Variants in ZNF618 observed in about 807,000 individuals in gnomAD.
The protein encoded by ZNF618 is neural precursor cell expressed, developmentally down-regulated 10.
In ZNF618, 34 loss-of-function variants were observed where a neutral mutation model predicts 103.0. The observed-to-expected ratio is 0.33, with a 90% CI of 0.25 to 0.44. The LOEUF (loss-of-function observed/expected upper bound fraction) is 0.44, where lower values mean the gene tolerates loss of function less well. Ranked by LOEUF, ZNF618 falls within the 20% of genes least tolerant of loss-of-function variation. The probability of loss-of-function intolerance (pLI) is 1.00; values close to 1 mark genes in which losing one functional copy is unlikely to be tolerated. For synonymous variants in ZNF618, 551 were observed against 542.2 expected (o/e 1.02, Z -0.23); for missense variants, 1,059 against 1,295.4 (o/e 0.82, Z 2.80).
intron 6 of ZNF618, among the ~76,000 whole-genome samples, chr9:114,004,065 T>C (rs1374372471): frequency 1.3e-5 from 2 of 152,130 alleles, no homozygotes; most frequent in African/African-American, 4.8e-5. Context: ...ACATAATAAA[T>C]AAACATTACC....
At chr9:114,000,437 G>A (rs1841076835) in intron 4 of ZNF618, among the ~76,000 whole-genome samples, 1 of 152,176 alleles carries the variant, frequency 6.6e-6, no homozygotes. Flanking sequence ...TTTGAATGCG[G>A]CCCAACACAA....
chr9:114,033,284 G>T (rs560807767), intron 12 of ZNF618, among the ~76,000 whole-genome samples: 12 of 152,190 alleles, frequency 7.9e-5, no homozygotes, highest in Admixed American at 5.9e-4. Flanking sequence ...TACTCAGGAG[G>T]CTGAGGCAGG....
intron 2 of ZNF618, among the ~76,000 whole-genome samples, chr9:113,983,604 G>A (rs1839170065): frequency 6.6e-6 from 1 of 152,190 alleles, no homozygotes; most frequent in Non-Finnish European, 1.5e-5. Context: ...TTTGTTTGGG[G>A]TGGGAGATGT....
chr9:113,968,723 A>AT (rs968765498), intron 1 of ZNF618, among the ~76,000 whole-genome samples: 33 of 152,100 alleles, frequency 2.2e-4, no homozygotes, highest in African/African-American at 7.7e-4. Context: ...ACATAATAGG[A>AT]TTTTTTCCCT....
At chr9:113,890,430 A>C (rs1156965922) in intron 1 of ZNF618, among the ~76,000 whole-genome samples, 1 of 152,160 alleles carries the variant, frequency 6.6e-6, no homozygotes, top group Non-Finnish European at 1.5e-5. Context: ...TATATTTTTC[A>C]TCATCAGCAA....
At chr9:113,962,958 A>T (rs1048012562) in intron 1 of ZNF618, among the ~76,000 whole-genome samples, 1 of 152,252 alleles carries the variant, frequency 6.6e-6, no homozygotes, top group Non-Finnish European at 1.5e-5. Context: ...GATGTCTGGC[A>T]TGTAGAAGGA....
chr9:114,033,998 C>T (rs1285017062), intron 12 of ZNF618, among the ~76,000 whole-genome samples: 1 of 152,162 alleles, frequency 6.6e-6, no homozygotes, highest in Non-Finnish European at 1.5e-5. Flanking sequence ...CCCAGCTCCA[C>T]CACTTACTAG....
chr9:114,010,301 CAAAAA>C (rs3034090), intron 9 of ZNF618, among the ~76,000 whole-genome samples: 6 of 116,942 alleles, frequency 5.1e-5, no homozygotes, highest in Admixed American at 1.7e-4. Flanking sequence ...GACTCTGTCT[CAAAAA>C]AAAAAAAAAA....
chr9:113,933,569 A>G (rs1487576308), intron 1 of ZNF618, among the ~76,000 whole-genome samples: 1 of 152,106 alleles, frequency 6.6e-6, no homozygotes, highest in Non-Finnish European at 1.5e-5. Flanking sequence ...AGGTTTGAGG[A>G]GAGAGGCGAA....
chr9:113,939,575 A>C (rs1218017629), intron 1 of ZNF618, among the ~76,000 whole-genome samples: 1 of 152,128 alleles, frequency 6.6e-6, no homozygotes, highest in Non-Finnish European at 1.5e-5. Context: ...TCGCTTATTG[A>C]AAATTTGACA....
chr9:114,040,280 G>A (rs1845029431), intron 13 of ZNF618, among the ~76,000 whole-genome samples: 1 of 150,662 alleles, frequency 6.6e-6, no homozygotes, highest in Non-Finnish European at 1.5e-5. Flanking sequence ...TCATATCCAG[G>A]GTTTTCACAT....
rs376852270 is a variant in ZNF618 at position 113,947,381 on chromosome 9, TAGTACACTGCTGA to T, written c.34-21735_34-21723del. ...TGAAGAGGCATGCGTGTAGAGTGTT[TAGTACACTGCTGA>T]GCACATGTGATGGTGGGAATAATTA... On this transcript the variant is annotated intron_variant, in intron 1 of 14. Coordinates refer to ENST00000374126, the MANE Select transcript of ZNF618 (RefSeq NM_001318042.2). Among the ~76,000 whole-genome samples the T allele has an allele frequency of 1.8e-3, 269 of 152,262 alleles. 1 individual carries two copies. Among genetic ancestry groups the T allele is most frequent in the African/African-American group, 6.2e-3 (258 of 41,536 alleles).
chr9:114,043,793 A>G (rs1845423015), intron 13 of ZNF618, among the ~76,000 whole-genome samples: 1 of 152,144 alleles, frequency 6.6e-6, no homozygotes, highest in Non-Finnish European at 1.5e-5. Flanking sequence ...CATTTCCCTG[A>G]TCATTAGTGA....
At chr9:113,974,998 C>T (rs1056843632) in intron 2 of ZNF618, among the ~76,000 whole-genome samples, 2 of 152,002 alleles carry the variant, frequency 1.3e-5, no homozygotes, top group African/African-American at 2.4e-5. Context: ...ATATATATAC[C>T]CTTAGCACAA....
At chr9:113,905,201 G>A (rs1377761280) in intron 1 of ZNF618, among the ~76,000 whole-genome samples, 1 of 152,100 alleles carries the variant, frequency 6.6e-6, no homozygotes, top group African/African-American at 2.4e-5. Context: ...CCTATTGGAG[G>A]CACACGCCCT....
intron 1 of ZNF618, among the ~76,000 whole-genome samples, chr9:113,955,092 T>G (rs994582006): frequency 2.6e-5 from 4 of 152,050 alleles, no homozygotes; most frequent in African/African-American, 7.2e-5. Context: ...ATCACCTGTG[T>G]TCTCAAATCC....
At chr9:113,903,686 G>A (rs1290489996) in intron 1 of ZNF618, among the ~76,000 whole-genome samples, 4 of 151,994 alleles carry the variant, frequency 2.6e-5, no homozygotes, top group African/African-American at 2.4e-5. Flanking sequence ...ATTTTTGCTA[G>A]CTATAGAATT....
chr9:113,965,758 A>G (rs1465334533), intron 1 of ZNF618, among the ~76,000 whole-genome samples: 3 of 152,210 alleles, frequency 2.0e-5, no homozygotes, highest in Non-Finnish European at 4.4e-5. Context: ...AACAAGCTAC[A>G]TCCTTAAGGA....
chr9:113,888,990 C>G (rs1829341812), intron 1 of ZNF618, among the ~76,000 whole-genome samples: 1 of 152,154 alleles, frequency 6.6e-6, no homozygotes, highest in African/African-American at 2.4e-5. Context: ...GTTCCACATG[C>G]AAAAATCCTC....
Sources: gnomAD v4.1 joint callset for allele counts (sites outside exome capture counted in the v4.1 genomes callset) on GRCh38, gnomAD v4.1.1 for gene constraint, MANE v1.5 for transcripts, NCBI Gene and HGNC (gene_info 2026-07-23, HGNC 2026-07-21) for gene names.